Variants in PCDHGB5 observed in about 807,000 individuals in gnomAD.
PCDHGB5 encodes the protein protocadherin gamma subfamily B, 5.
PCDHGB5 carries 48 observed loss-of-function variants against 62.9 expected under a neutral mutation model. The observed-to-expected ratio is 0.76, with a 90% CI of 0.61 to 0.97. PCDHGB5 has a LOEUF of 0.97. PCDHGB5 is among the 50% of genes least tolerant of loss of function. The pLI is 0.00. For synonymous variants in PCDHGB5, 474 were observed against 511.2 expected (o/e 0.93, Z 0.98); for missense variants, 1,118 against 1,198.6 (o/e 0.93, Z 0.99).
intron 1 of PCDHGB5, chr5:141,420,323 A>G (rs753373746): frequency 2.1e-6 from 3 of 1,410,102 alleles, no homozygotes; most frequent in East Asian, 2.4e-5. Flanking sequence ...CAATATGCCA[A>G]TATATTCCAA....
chr5:141,467,769 G>A (rs573567102), intron 1 of PCDHGB5, among the ~76,000 whole-genome samples: 9 of 151,590 alleles, frequency 5.9e-5, no homozygotes, highest in East Asian at 3.9e-4. Flanking sequence ...TCAAGTGCCC[G>A]CACCTCAGCC....
chr5:141,431,513 C>G lies in PCDHGB5; in HGVS notation c.2397+30989C>G. ...TCAGCCCGAGTACCGCGCGAGCGTT[C>G]CGGAGAATCTGGCCTTGGGCACGCA... On this transcript the variant is annotated intron_variant, in intron 1 of 3. Transcript: ENST00000617380. The surrounding 1 kb of genome is among the most constrained non-coding windows in gnomAD (Gnocchi z 4.8). 6.2e-7 allele frequency: 1 copy of G among 1,614,022 alleles called. No homozygotes were observed. Among genetic ancestry groups the G allele is most frequent in the South Asian group, 1.1e-5 (1 of 91,088 alleles).
chr5:141,398,448 G>A lies in PCDHGB5; in HGVS notation c.321G>A (p.Glu107=), dbSNP rs1213915296. The change falls in exon 1 of 4, where the codon GAG becomes GAA. Residue 107 remains glutamate (E), a synonymous_variant. Coordinates refer to ENST00000617380, the MANE Select transcript of PCDHGB5 (RefSeq NM_018925.3). ...AGCCAGCTTGTGCTCTGGAATTTGAGGCTGTTGCTGAAAATCCACTGAACT... is the reference window on the plus strand; with the variant it reads ...AGCCAGCTTGTGCTCTGGAATTTGAAGCTGTTGCTGAAAATCCACTGAACT... ...GKKPACALEF[E]AVAENPLNFY... is the part of the protein sequence containing the mutation. 2.5e-6 allele frequency: 4 copies of A among 1,574,288 alleles called. No individual in the cohort carries two copies. In the Middle Eastern group the frequency reaches 5.2e-4, roughly 203 times the overall value.
At chr5:141,434,698 A>G (rs2097710714) in intron 1 of PCDHGB5, among the ~76,000 whole-genome samples, 1 of 152,070 alleles carries the variant, frequency 6.6e-6, no homozygotes, top group South Asian at 2.1e-4. Context: ...GTTAATAAAT[A>G]TGTGGGTAAA....
At chr5:141,458,028 G>A (rs1363025110) in intron 1 of PCDHGB5, among the ~76,000 whole-genome samples, 2 of 152,122 alleles carry the variant, frequency 1.3e-5, no homozygotes, top group African/African-American at 4.8e-5. Flanking sequence ...ATTGTGTTCT[G>A]TTGACAAAGA....
At chr5:141,460,981 GTGTATA>G (rs1450537646) in intron 1 of PCDHGB5, among the ~76,000 whole-genome samples, 10 of 121,882 alleles carry the variant, frequency 8.2e-5, no homozygotes, top group African/African-American at 3.1e-4. Flanking sequence ...GTGTGTGTGT[GTGTATA>G]TATATATATG....
chr5:141,418,079 C>A, intron 1 of PCDHGB5: 1 of 1,614,048 alleles, frequency 6.2e-7, no homozygotes, highest in Non-Finnish European at 8.5e-7. Context: ...GGAGAAGCTG[C>A]ACTTCAGCGT....
intron 1 of PCDHGB5, chr5:141,421,945 A>T: frequency 2.5e-6 from 4 of 1,613,342 alleles, no homozygotes; most frequent in Non-Finnish European, 3.4e-6. Context: ...AAATGATCAC[A>T]TCCCAATGTT....
At chr5:141,415,342 T>C (rs1305683222) in intron 1 of PCDHGB5, 2 of 1,614,108 alleles carry the variant, frequency 1.2e-6, no homozygotes, top group African/African-American at 2.7e-5. Context: ...GCTGCGGCGC[T>C]GGCACAAGTC....
chr5:141,503,417 A>T (rs1431276679), intron 2 of PCDHGB5, among the ~76,000 whole-genome samples: 2 of 151,968 alleles, frequency 1.3e-5, no homozygotes, highest in Non-Finnish European at 2.9e-5. Flanking sequence ...CAATATGGTG[A>T]AACCCCATCT....
At chr5:141,425,110 C>T (rs1335909720) in intron 1 of PCDHGB5, among the ~76,000 whole-genome samples, 1 of 152,166 alleles carries the variant, frequency 6.6e-6, no homozygotes, top group East Asian at 1.9e-4. Context: ...CAGATGCCTA[C>T]ATTTTTCTTG....
chr5:141,476,966 G>A lies in PCDHGB5; in HGVS notation c.2398-17841G>A. ...CAACGGTGAAATTATTTACTCCTTC[G>A]GCAGCCACAACCGCGCCGGCGTGCG... On this transcript the variant is annotated intron_variant, in intron 1 of 3. Transcript: ENST00000617380. This position sits in a 1 kb window ranked among gnomAD's most constrained non-coding sequence, Gnocchi z 7.6. 1 of 1,614,152 alleles carries A rather than the reference G, an allele frequency of 6.2e-7. No individual in the cohort carries two copies. The highest frequency in any genetic ancestry group is 8.5e-7 in the Non-Finnish European group (1 of 1,180,032).
intron 1 of PCDHGB5, among the ~76,000 whole-genome samples, chr5:141,470,360 T>G (rs1554150725): frequency 6.6e-6 from 1 of 152,142 alleles, no homozygotes; most frequent in Non-Finnish European, 1.5e-5. Context: ...ATAGACACAT[T>G]AGGTTGAATG....
intron 1 of PCDHGB5, chr5:141,422,668 G>A: frequency 6.2e-7 from 1 of 1,607,686 alleles, no homozygotes; most frequent in Non-Finnish European, 8.5e-7. Context: ...CCTCGACCCG[G>A]ACAGCAAACA....
intron 1 of PCDHGB5, chr5:141,439,852 G>A (rs182049678): frequency 1.3e-5 from 2 of 152,474 alleles, no homozygotes; most frequent in African/African-American, 4.8e-5. Context: ...CTGTGGAAAA[G>A]GTGGGGAATG....
At position 141,408,449 on chromosome 5, in the gene PCDHGB5, G is replaced by C. The variant is rs1561713163; in HGVS notation, c.2397+7925G>C. On this transcript the variant is annotated intron_variant, in intron 1 of 3. Coordinates refer to ENST00000617380, the MANE Select transcript of PCDHGB5 (RefSeq NM_018925.3). Reference sequence around the variant, plus strand: ...CTTCAGCGTAGACGCGGAGAGCGGGGACTTACTTGTGAAGAACCGAATAGA... The same window carrying C: ...CTTCAGCGTAGACGCGGAGAGCGGGCACTTACTTGTGAAGAACCGAATAGA... The C allele has an allele frequency of 1.9e-6, 3 of 1,613,966 alleles. No individual in the cohort carries two copies. In the Admixed American group the frequency reaches 5.0e-5, roughly 27 times the overall value.
intron 2 of PCDHGB5, among the ~76,000 whole-genome samples, chr5:141,503,744 A>G (rs1310696654): frequency 2.0e-5 from 3 of 152,112 alleles, no homozygotes; most frequent in African/African-American, 4.8e-5. Context: ...GATGGTATAG[A>G]GGTCACACAT....
In PCDHGB5 at chr5:141,431,514, C is replaced by T. The variant is rs760416874; in HGVS notation, c.2397+30990C>T. ...CAGCCCGAGTACCGCGCGAGCGTTC[C>T]GGAGAATCTGGCCTTGGGCACGCAG... On this transcript the variant is annotated intron_variant, in intron 1 of 3. Transcript: ENST00000617380. This position sits in a 1 kb window ranked among gnomAD's most constrained non-coding sequence, Gnocchi z 4.8. 3.1e-6 allele frequency: 5 copies of T among 1,614,012 alleles called. No homozygotes were observed. The highest frequency in any genetic ancestry group is 1.1e-5 in the South Asian group (1 of 91,082).
At chr5:141,461,011 A>G (rs971172615) in intron 1 of PCDHGB5, among the ~76,000 whole-genome samples, 2 of 151,288 alleles carry the variant, frequency 1.3e-5, no homozygotes, top group Non-Finnish European at 2.9e-5. Context: ...ATATATATAT[A>G]CCACATTTTC....
Sources: allele counts gnomAD v4.1 joint callset (sites outside exome capture counted in the v4.1 genomes callset), GRCh38; gene constraint gnomAD v4.1.1; non-coding constraint Gnocchi (gnomAD v3.1); transcripts MANE v1.5; gene names NCBI Gene and HGNC (gene_info 2026-07-23, HGNC 2026-07-21).